TUSC3: variants seen among roughly 807,000 people sequenced by gnomAD.
TUSC3 encodes tumor suppressor candidate 3.
Under a neutral mutation model 44.8 loss-of-function variants are expected in TUSC3, and 45 were observed. The ratio of observed to expected loss-of-function variants is 1.00; its 90% CI spans 0.79 to 1.29. The LOEUF (loss-of-function observed/expected upper bound fraction) is 1.29. Ranked by LOEUF, TUSC3 falls within the 50% of genes most tolerant of loss-of-function variation. The probability of loss-of-function intolerance (pLI) is 0.00; values close to 1 mark genes in which losing one functional copy is unlikely to be tolerated. For synonymous variants in TUSC3, 212 were observed against 152.9 expected, an observed-to-expected ratio of 1.39 and a Z score of -2.85; for missense variants, 519 against 437.9, an observed-to-expected ratio of 1.19 and a Z score of -1.65.
rs1355192416 is a variant in TUSC3 at position 15,555,986 on chromosome 8, ATTTTTTAT to A, written c.138+15432_138+15439del. Among the ~76,000 whole-genome samples the A allele has an allele frequency of 3.8e-4, 57 of 151,114 alleles. 1 individual carries two copies. The highest frequency in any genetic ancestry group is 1.3e-3 in the African/African-American group (54 of 41,394). On this transcript the variant is annotated intron_variant, in intron 1 of 10. Transcript: ENST00000503731. ...GAAAATAGAGGTAAAAATCAATTTT[ATTTTTTAT>A]TTTTTTATTTTTTATTTTTTTTTTA...
rs1374192276 is a variant in TUSC3, at chr8:15,757,845, T to C, written c.*36T>C. 7.2e-7 allele frequency: 1 copy of C among 1,386,932 alleles called. No homozygotes were observed. The allele number at this position is 1,386,932 out of a possible 1,614,324, so 85.9% of individuals were successfully genotyped here. A position where few individuals can be genotyped will look rare whatever the true frequency, so the allele number is the denominator to read the frequency against. ...TTTGGACCATGGCACTTAAAAACTC[T>C]ATAACCTCAGGCAAGTCTTTTAATC... On this transcript the variant is annotated 3_prime_UTR_variant, in exon 10 of 11. Coordinates refer to ENST00000503731, the MANE Select transcript of TUSC3 (RefSeq NM_006765.4).
the TUSC3 span, among the ~76,000 whole-genome samples, chr8:15,794,934 C>A: frequency 6.6e-6 from 1 of 152,108 alleles, no homozygotes; most frequent in Admixed American, 6.5e-5. Flanking sequence ...ATGTGAGAAT[C>A]CTGTGATGGG....
chr8:15,647,069 T>C (rs1806666139), intron 2 of TUSC3, among the ~76,000 whole-genome samples: 2 of 152,294 alleles, frequency 1.3e-5, no homozygotes, highest in East Asian at 1.9e-4. Flanking sequence ...TACCAAATTC[T>C]GTTGGCTATC....
At chr8:15,515,818 C>A (rs543805210) in intron 2 of TUSC3, among the ~76,000 whole-genome samples, 1 of 152,106 alleles carries the variant, frequency 6.6e-6, no homozygotes, top group African/African-American at 2.4e-5. Flanking sequence ...CAGTCTCTCG[C>A]CACCACACCC....
chr8:15,757,671 C>G (rs1482077278), intron 9 of TUSC3, 120 bp from the exon 10 acceptor site: 2 of 631,408 alleles, frequency 3.2e-6, no homozygotes, highest in South Asian at 1.8e-5. Flanking sequence ...CGTCTATCCC[C>G]TGTCTTATCT....
chr8:15,699,583 C>T (rs1325340907), intron 6 of TUSC3, among the ~76,000 whole-genome samples: 1 of 152,152 alleles, frequency 6.6e-6, no homozygotes, highest in East Asian at 1.9e-4. Context: ...AACTTATTTC[C>T]TTATTAAATA....
the TUSC3 span, among the ~76,000 whole-genome samples, chr8:15,794,975 T>C: frequency 6.6e-6 from 1 of 152,148 alleles, no homozygotes; most frequent in Non-Finnish European, 1.5e-5. Context: ...CTTGCTTCTC[T>C]ACCATCCTGG....
rs559828728 is a variant in TUSC3, at chr8:15,610,204, C to G, written c.139-12876C>G. On this transcript the variant is annotated intron_variant, in intron 1 of 10. Coordinates refer to ENST00000503731, the MANE Select transcript of TUSC3 (RefSeq NM_006765.4). ...GGCACTGGATTTATTTCATAGCATA[C>G]TTTGAAATCCATAAAATTCCATACA... Among the ~76,000 whole-genome samples the G allele has an allele frequency of 3.9e-5, 6 of 152,202 alleles. No individual in the cohort carries two copies. The East Asian group carries it at 9.7e-4, about 24-fold the overall frequency.
At chr8:15,674,061 T>C (rs1808075945) in intron 6 of TUSC3, among the ~76,000 whole-genome samples, 1 of 151,994 alleles carries the variant, frequency 6.6e-6, no homozygotes, top group Non-Finnish European at 1.5e-5. Context: ...ATTTAAAAAA[T>C]TAATATCTAC....
chr8:15,528,682 T>A (rs1215473073), intron 2 of TUSC3, among the ~76,000 whole-genome samples: 2 of 152,348 alleles, frequency 1.3e-5, no homozygotes, highest in East Asian at 3.9e-4. Flanking sequence ...ATCTCAGAGA[T>A]ACTCCCTGCA....
At chr8:15,631,680 G>C (rs1034969686) in intron 2 of TUSC3, among the ~76,000 whole-genome samples, 1 of 151,022 alleles carries the variant, frequency 6.6e-6, no homozygotes, top group Middle Eastern at 3.4e-3. Context: ...GTGTGTGTGT[G>C]TGTGTGTGTG....
chr8:15,738,827 C>CTTTTTTTTTTTTTTTTTTTTTTT (rs375655033), intron 7 of TUSC3, among the ~76,000 whole-genome samples: 5 of 87,170 alleles, frequency 5.7e-5, no homozygotes, highest in African/African-American at 1.9e-4. Flanking sequence ...ATATATCTTG[C>CTTTTTTTTTTTTTTTTTTTTTTT]TTTTTTTTTT....
At chr8:15,542,131 A>G (rs1034853213) in intron 1 of TUSC3, among the ~76,000 whole-genome samples, 1 of 152,030 alleles carries the variant, frequency 6.6e-6, no homozygotes, top group Admixed American at 6.6e-5. Flanking sequence ...ACATTGATCA[A>G]TACATGTAAG....
chr8:15,430,587 C>G lies in TUSC3; in HGVS notation n.91+13282C>G, dbSNP rs931436931. Reference sequence around the variant, plus strand: ...CTGGCACAAGACAGGGATGCCCTCTCTCACCACTCCTATTCAACATAGTGT... The same window carrying G: ...CTGGCACAAGACAGGGATGCCCTCTGTCACCACTCCTATTCAACATAGTGT... On this transcript the variant is annotated intron_variant and non_coding_transcript_variant, in intron 1 of 5. Transcript: ENST00000503191. Among the ~76,000 whole-genome samples the G allele has an allele frequency of 2.6e-5, 4 of 151,392 alleles. 1 individual carries two copies. Among genetic ancestry groups the G allele is most frequent in the African/African-American group, 9.8e-5 (4 of 40,752 alleles).
In TUSC3 at chr8:15,757,820, T is replaced by G; in HGVS notation, c.*11T>G. The G allele has an allele frequency of 7.1e-7, 1 of 1,405,410 alleles. No homozygotes were observed. The highest frequency in any genetic ancestry group is 1.0e-6 in the Non-Finnish European group (1 of 989,792). The allele number at this position is 1,405,410 out of a possible 1,614,324, so 87.1% of individuals were successfully genotyped here. ...CTGGACTTTGAGTGAGAAGATGTGATTTGGACCATGGCACTTAAAAACTCT... is the reference window on the plus strand; with the variant it reads ...CTGGACTTTGAGTGAGAAGATGTGAGTTGGACCATGGCACTTAAAAACTCT... On this transcript the variant is annotated 3_prime_UTR_variant, in exon 10 of 11. Coordinates refer to ENST00000503731, the MANE Select transcript of TUSC3 (RefSeq NM_006765.4).
chr8:15,655,866 C>G (rs1237699081), intron 3 of TUSC3, among the ~76,000 whole-genome samples: 1 of 152,120 alleles, frequency 6.6e-6, no homozygotes. Context: ...CCCAAACCAC[C>G]TTATTTTTGC....
the TUSC3 span, among the ~76,000 whole-genome samples, chr8:15,835,132 A>C: frequency 6.6e-6 from 1 of 152,052 alleles, no homozygotes; most frequent in Admixed American, 6.5e-5. Context: ...TTTTTCTTTT[A>C]TGGTAACTCA....
the TUSC3 span, among the ~76,000 whole-genome samples, chr8:15,843,621 T>TATATATATATATATATACACAC: frequency 5.7e-4 from 84 of 146,744 alleles, 1 homozygote; most frequent in African/African-American, 2.1e-3. Flanking sequence ...TATATATATA[T>TATATATATATATATATACACAC]ACACGCACAT....
upstream of TUSC3, among the ~76,000 whole-genome samples, chr8:15,538,504 G>A (rs1172755486): frequency 6.6e-6 from 1 of 152,186 alleles, no homozygotes; most frequent in Non-Finnish European, 1.5e-5. Flanking sequence ...GAGCCAGACT[G>A]TCAATGTTCA....
Sources: gnomAD v4.1 joint callset for allele counts (sites outside exome capture counted in the v4.1 genomes callset) on GRCh38, gnomAD v4.1.1 for gene constraint, MANE v1.5 for transcripts, NCBI Gene and HGNC (gene_info 2026-07-23, HGNC 2026-07-21) for gene names.